Variants in ZBTB46 observed in about 807,000 individuals in gnomAD.
ZBTB46 encodes the protein zinc finger and BTB domain containing 46, also known as zinc finger and BTB domain-containing protein 46.
A neutral mutation model predicts 44.1 loss-of-function variants in ZBTB46; 8 were observed. The observed-to-expected ratio is 0.18, with a 90% CI of 0.11 to 0.33. ZBTB46 has a LOEUF of 0.33. Ranked by LOEUF, ZBTB46 falls within the 10% of genes least tolerant of loss-of-function variation. The probability of loss-of-function intolerance (pLI) is 1.00; values close to 1 mark genes in which losing one functional copy is unlikely to be tolerated. For missense variants in ZBTB46, 651 were observed against 847.7 expected, an observed-to-expected ratio of 0.77 and a Z score of 2.88; for synonymous variants, 409 against 382.3, an observed-to-expected ratio of 1.07 and a Z score of -0.81.
chr20:63,780,806 A>T (rs2075828282), intron 2 of ZBTB46, among the ~76,000 whole-genome samples: 1 of 150,502 alleles, frequency 6.6e-6, no homozygotes, highest in Admixed American at 6.6e-5. Flanking sequence ...CGTCTCAAAA[A>T]AAAAGGATCC....
At chr20:63,832,087 G>T (rs943604264), upstream of ZBTB46, among the ~76,000 whole-genome samples, 2 of 151,764 alleles carry the variant, frequency 1.3e-5, no homozygotes, top group African/African-American at 2.4e-5. This position sits in a 1 kb window ranked among gnomAD's most constrained non-coding sequence, Gnocchi z 5.0. Context: ...TGTTGTCTGC[G>T]GGGGACGAAT....
intron 4 of ZBTB46, among the ~76,000 whole-genome samples, chr20:63,749,494 G>A (rs1021796407): frequency 2.0e-5 from 3 of 152,048 alleles, no homozygotes; most frequent in East Asian, 1.9e-4. Context: ...CCGCCACCAC[G>A]CCCAGCTAAT....
chr20:63,791,611 A>G (rs1444473684), intron 1 of ZBTB46, among the ~76,000 whole-genome samples: 1 of 152,164 alleles, frequency 6.6e-6, no homozygotes, highest in African/African-American at 2.4e-5. Context: ...AACGAGCTGA[A>G]GTCTTCTGGA....
intron 3 of ZBTB46, among the ~76,000 whole-genome samples, chr20:63,772,746 CACACACACACACACACACA>C (rs776088845): frequency 0.25 from 37,178 of 150,428 alleles, 4,749 homozygotes; most frequent in Middle Eastern, 0.36. Flanking sequence ...CACACACACA[CACACACACACACACACACA>C]CAGAAGTGCG....
chr20:63,825,358 G>C (rs558161907), intron 1 of ZBTB46, among the ~76,000 whole-genome samples: 4 of 144,768 alleles, frequency 2.8e-5, no homozygotes, highest in Non-Finnish European at 6.0e-5. Context: ...CCGAGATCTC[G>C]TCACTGCACT....
chr20:63,794,337 G>A (rs1186813723), intron 1 of ZBTB46, among the ~76,000 whole-genome samples: 1 of 152,112 alleles, frequency 6.6e-6, no homozygotes, highest in African/African-American at 2.4e-5. Context: ...GACCACAGGT[G>A]CACACCCCAA....
At chr20:63,780,909 T>C (rs1258684621) in intron 2 of ZBTB46, among the ~76,000 whole-genome samples, 1 of 148,942 alleles carries the variant, frequency 6.7e-6, no homozygotes, top group East Asian at 2.0e-4. Flanking sequence ...GGCGGGTGGA[T>C]CATGAGGTCA....
At chr20:63,819,742 G>A (rs1260858777) in intron 1 of ZBTB46, among the ~76,000 whole-genome samples, 1 of 152,140 alleles carries the variant, frequency 6.6e-6, no homozygotes, top group Non-Finnish European at 1.5e-5. Flanking sequence ...ATCAGAGTTA[G>A]TGCCACCTCG....
chr20:63,793,231 G>C (rs951507311), intron 1 of ZBTB46, among the ~76,000 whole-genome samples: 1 of 152,222 alleles, frequency 6.6e-6, no homozygotes, highest in Non-Finnish European at 1.5e-5. Context: ...GGTGCGAGCA[G>C]AACAAGGAGC....
At chr20:63,774,486 C>A (rs1055840294) in intron 3 of ZBTB46, among the ~76,000 whole-genome samples, 2 of 152,166 alleles carry the variant, frequency 1.3e-5, no homozygotes, top group Admixed American at 6.5e-5. Flanking sequence ...CCACTCAGCA[C>A]GCCTGGACCC....
At chr20:63,765,364 C>A (rs532010448) in intron 3 of ZBTB46, among the ~76,000 whole-genome samples, 13 of 152,342 alleles carry the variant, frequency 8.5e-5, no homozygotes, top group Admixed American at 7.8e-4. Flanking sequence ...TGTGTTCTCT[C>A]TTCTCTCAAG....
chr20:63,778,767 G>A (rs1402416866), intron 2 of ZBTB46, among the ~76,000 whole-genome samples: 2 of 152,180 alleles, frequency 1.3e-5, no homozygotes, highest in Non-Finnish European at 2.9e-5. Context: ...ATCCCTCGAT[G>A]ACACATCATA....
At chr20:63,788,360 T>C (rs901269094) in intron 2 of ZBTB46, 1 of 152,216 alleles carries the variant, frequency 6.6e-6, no homozygotes, top group African/African-American at 2.4e-5. Flanking sequence ...TAATATCACA[T>C]GCCCAGCACC....
upstream of ZBTB46, among the ~76,000 whole-genome samples, chr20:63,832,615 C>A (rs1600745537): frequency 1.3e-5 from 2 of 152,324 alleles, no homozygotes; most frequent in African/African-American, 4.8e-5. This position sits in a 1 kb window ranked among gnomAD's most constrained non-coding sequence, Gnocchi z 5.0. Context: ...TCCCTTACTG[C>A]CGTCGCGGGC....
chr20:63,772,722 A>AACACAC (rs67126549), intron 3 of ZBTB46, among the ~76,000 whole-genome samples: 788 of 20,226 alleles, frequency 0.039, 2 homozygotes, highest in Non-Finnish European at 0.044. Flanking sequence ...CTGTCTCAAA[A>AACACAC]ACACACACAC....
chr20:63,817,061 C>T (rs1490175359), intron 1 of ZBTB46, among the ~76,000 whole-genome samples: 2 of 151,720 alleles, frequency 1.3e-5, no homozygotes, highest in Non-Finnish European at 1.5e-5. Context: ...GCCAAGATCG[C>T]GCCACTGCAG....
At position 63,803,943 on chromosome 20, in the gene ZBTB46, G is replaced by GC. The variant is rs1164313727; in HGVS notation, c.-33-13154dup. Among the ~76,000 whole-genome samples, 1 of 152,148 alleles carries GC rather than the reference G, an allele frequency of 6.6e-6. No homozygotes were observed. The highest frequency in any genetic ancestry group is 2.4e-5 in the African/African-American group (1 of 41,432). On this transcript the variant is annotated intron_variant, in intron 1 of 4. Transcript: ENST00000245663. This position sits in a 1 kb window ranked among gnomAD's most constrained non-coding sequence, Gnocchi z 4.0. ...TGGTCTTGAATTCCTAAACGAACCT[G>GC]CCGCCCTGGCTTCTCAAAGCGCTGG...
chr20:63,777,645 G>A (rs2092436554), intron 2 of ZBTB46, among the ~76,000 whole-genome samples: 1 of 152,186 alleles, frequency 6.6e-6, no homozygotes, highest in African/African-American at 2.4e-5. Flanking sequence ...TACGCATGCA[G>A]ATACCCACGA....
intron 2 of ZBTB46, among the ~76,000 whole-genome samples, chr20:63,782,153 C>T (rs956434235): frequency 5.9e-5 from 9 of 151,920 alleles, no homozygotes; most frequent in Admixed American, 1.3e-4. Flanking sequence ...TATGCAAACC[C>T]CCAGTGGTGA....
Sources: allele counts gnomAD v4.1 joint callset (sites outside exome capture counted in the v4.1 genomes callset), GRCh38; gene constraint gnomAD v4.1.1; non-coding constraint Gnocchi (gnomAD v3.1); transcripts MANE v1.5; gene names NCBI Gene and HGNC (gene_info 2026-07-23, HGNC 2026-07-21).